The following CEP350 variants were observed in gnomAD, a reference collection of about 807,000 sequenced individuals.
CEP350 encodes the protein centrosomal protein 350.
CEP350 carries 126 observed loss-of-function variants against 331.8 expected under a neutral mutation model. The ratio of observed to expected loss-of-function variants is 0.38; its 90% CI spans 0.33 to 0.44. CEP350 has a LOEUF of 0.44. CEP350 is among the 20% of genes least tolerant of loss of function. The pLI is 1.00. For missense variants in CEP350, 3,406 were observed against 3,634.6 expected, an observed-to-expected ratio of 0.94 and a Z score of 1.62; for synonymous variants, 1,200 against 1,259.5, an observed-to-expected ratio of 0.95 and a Z score of 1.00.
At chr1:180,064,036 C>A (rs909307777) in intron 26 of CEP350, among the ~76,000 whole-genome samples, 4 of 152,188 alleles carry the variant, frequency 2.6e-5, no homozygotes, top group African/African-American at 9.7e-5. Flanking sequence ...ACTTAATCTG[C>A]AGACTACCTG....
intron 25 of CEP350, among the ~76,000 whole-genome samples, chr1:180,060,391 A>G (rs978243543): frequency 7.2e-5 from 11 of 152,248 alleles, no homozygotes; most frequent in African/African-American, 2.7e-4. Context: ...GCTCATGCCT[A>G]TAATCCCAGT....
intron 1 of CEP350, among the ~76,000 whole-genome samples, chr1:179,971,571 C>T (rs1651456510): frequency 6.6e-6 from 1 of 152,148 alleles, no homozygotes; most frequent in Non-Finnish European, 1.5e-5. Context: ...AGCAATCTTC[C>T]TATCTTGGCC....
At chr1:180,048,959 G>A (rs571754331) in intron 22 of CEP350, among the ~76,000 whole-genome samples, 4 of 152,196 alleles carry the variant, frequency 2.6e-5, no homozygotes, top group South Asian at 2.1e-4. Context: ...GTCCTAGTAC[G>A]TGGGAGGCTA....
chr1:180,023,481 A>G (rs1252949662), intron 13 of CEP350, among the ~76,000 whole-genome samples: 1 of 152,208 alleles, frequency 6.6e-6, no homozygotes, highest in Non-Finnish European at 1.5e-5. Context: ...CCATGGTTCC[A>G]AGTAATAAGT....
Position 180,036,980 on chromosome 1 carries a change from G to A in CEP350, c.4001G>A (p.Ser1334Asn). 1 of 1,595,688 alleles carries A rather than the reference G, an allele frequency of 6.3e-7. No homozygotes were observed. Among genetic ancestry groups the A allele is most frequent in the Non-Finnish European group, 8.5e-7 (1 of 1,170,982 alleles). Reference sequence around the variant, plus strand: ...CATCATCGTATGGCAGCAGAACTCAGTTATCTGAACGCCATTGAGGAGTCG... The same window carrying A: ...CATCATCGTATGGCAGCAGAACTCAATTATCTGAACGCCATTGAGGAGTCG... ...GLHHRMAAEL[S>N]YLNAIEESVR... is the part of the protein sequence containing the mutation. Residue 1334 changes from serine (S) to asparagine (N), a missense_variant, in exon 17 of 38, where the codon AGT (serine) becomes AAT (asparagine). Ser to Asn is a conservative substitution (Grantham distance 46). Transcript: ENST00000367607.
In CEP350 at chr1:179,987,238, A is replaced by G; in HGVS notation, c.74-2A>G. The G allele has an allele frequency of 6.6e-7, 1 of 1,513,190 alleles. No individual in the cohort carries two copies. Among genetic ancestry groups the G allele is most frequent in the Non-Finnish European group, 9.1e-7 (1 of 1,100,866 alleles). 93.7% of individuals were successfully genotyped at this position (1,513,190 alleles called of 1,614,324 possible). On this transcript the variant is annotated splice_acceptor_variant, in intron 2 of 37. Transcript: ENST00000367607. LOFTEE classifies it high-confidence loss of function. Reference sequence around the variant, plus strand: ...TAAAGTAAATATCATTTTTTTTCCCAGCAGATATAACCACATCGTGGGATG... The same window carrying G: ...TAAAGTAAATATCATTTTTTTTCCCGGCAGATATAACCACATCGTGGGATG...
intron 30 of CEP350, among the ~76,000 whole-genome samples, chr1:180,082,457 G>A (rs1024937457): frequency 5.9e-5 from 9 of 152,076 alleles, no homozygotes; most frequent in African/African-American, 1.9e-4. Context: ...TGGGACTACA[G>A]GCGCATGCTG....
Position 180,110,981 on chromosome 1 carries a change from G to A in CEP350, c.9190-16G>A, listed in dbSNP as rs765351116. 2 of 1,610,030 alleles carry A rather than the reference G, an allele frequency of 1.2e-6. No homozygotes were observed. Among genetic ancestry groups the A allele is most frequent in the Non-Finnish European group, 1.7e-6 (2 of 1,176,810 alleles). The stretch of plus-strand genomic sequence containing the variant: ...ATGACAGGAATTTTCTAACCTTATT[G>A]TCTTCTAAATCCTAGGTTCAGGAGC... On this transcript the variant is annotated splice_polypyrimidine_tract_variant and intron_variant, in intron 37 of 37. Coordinates refer to ENST00000367607, the MANE Select transcript of CEP350 (RefSeq NM_014810.5).
Position 179,997,012 on chromosome 1 carries a change from T to G in CEP350, c.855T>G (p.Leu285=). 1 of 1,613,954 alleles carries G rather than the reference T, an allele frequency of 6.2e-7. No individual in the cohort carries two copies. The highest frequency in any genetic ancestry group is 1.1e-5 in the South Asian group (1 of 91,074). ...RRQHDVKLEK[L]KERIRKQWEH... ...AACATGATGTCAAACTGGAAAAACT[T>G]AAGGAACGGATTAGAAAACAGTGGG... Residue 285 remains leucine (L), a synonymous_variant, in exon 6 of 38, where the codon CTT becomes CTG. Transcript: ENST00000367607.
intron 1 of CEP350, among the ~76,000 whole-genome samples, chr1:179,977,599 A>G (rs1571805183): frequency 6.6e-6 from 1 of 152,162 alleles, no homozygotes; most frequent in African/African-American, 2.4e-5. Context: ...ATTGAAGATC[A>G]TTTGAATTTA....
intron 30 of CEP350, among the ~76,000 whole-genome samples, chr1:180,083,614 T>A (rs949785675): frequency 3.3e-5 from 5 of 152,194 alleles, no homozygotes; most frequent in African/African-American, 1.2e-4. Flanking sequence ...TATGTATTAA[T>A]AACTAAGGCA....
At chr1:179,988,604 C>T (rs1305013637) in intron 3 of CEP350, among the ~76,000 whole-genome samples, 2 of 151,914 alleles carry the variant, frequency 1.3e-5, no homozygotes, top group Admixed American at 1.3e-4. Context: ...TGTGTTCTGG[C>T]CAATCTTGTC....
chr1:179,959,861 A>G (rs1650457692), intron 1 of CEP350, among the ~76,000 whole-genome samples: 1 of 152,170 alleles, frequency 6.6e-6, no homozygotes, highest in African/African-American at 2.4e-5. Flanking sequence ...CTTAAGTCTT[A>G]TTTCTTACTT....
At chr1:180,047,062 A>G (rs892375275) in intron 21 of CEP350, among the ~76,000 whole-genome samples, 2 of 152,214 alleles carry the variant, frequency 1.3e-5, no homozygotes, top group African/African-American at 4.8e-5. Flanking sequence ...GAACACAGGG[A>G]CAGAAGTGAC....
intron 9 of CEP350, among the ~76,000 whole-genome samples, chr1:180,013,449 A>T (rs986962638): frequency 6.6e-6 from 1 of 152,154 alleles, no homozygotes; most frequent in Non-Finnish European, 1.5e-5. Flanking sequence ...TCTCATTGGG[A>T]TGCCTTCCAC....
rs151249659 is a variant in CEP350 at position 180,065,145 on chromosome 1, A to C, written c.5440A>C (p.Asn1814His). The change falls in exon 27 of 38, where the codon AAT becomes CAT. Residue 1814 changes from asparagine (N) to histidine (H), a missense_variant. Coordinates refer to ENST00000367607, the MANE Select transcript of CEP350 (RefSeq NM_014810.5). ...DSHSDDDTKD[N>H]KATSPGPTDL... ...TCATAGTGATGATGATACAAAGGATAATAAGGCAACCAGTCCTGGTCCAAC... is the reference window on the plus strand; with the variant it reads ...TCATAGTGATGATGATACAAAGGATCATAAGGCAACCAGTCCTGGTCCAAC... 2.2e-4 allele frequency: 349 copies of C among 1,611,088 alleles called. No homozygotes were observed. Among genetic ancestry groups the C allele is most frequent in the Non-Finnish European group, 2.9e-4 (341 of 1,179,054 alleles).
intron 17 of CEP350, among the ~76,000 whole-genome samples, chr1:180,040,821 T>C (rs1366861540): frequency 3.9e-5 from 6 of 152,130 alleles, no homozygotes; most frequent in Admixed American, 2.0e-4. Flanking sequence ...TTTTTACACA[T>C]AGGACATTTT....
chr1:180,062,253 G>A lies in CEP350; in HGVS notation c.5296G>A (p.Ala1766Thr). 1 of 1,609,832 alleles carries A rather than the reference G, an allele frequency of 6.2e-7. No individual in the cohort carries two copies. The highest frequency in any genetic ancestry group is 1.1e-5 in the South Asian group (1 of 90,178). Residue 1766 changes from alanine (A) to threonine (T), a missense_variant, in exon 26 of 38, where the codon GCA becomes ACA. By Grantham distance (58) the Ala-to-Thr change is moderately conservative (BLOSUM62 0). Transcript: ENST00000367607. ...EIKRLQEANKAARKERQLILK... is the reference protein window; with the variant it reads ...EIKRLQEANKTARKERQLILK... ...AAAACGTCTTCAAGAAGCCAATAAG[G>A]CAGCTCGGAAGGAAAGACAGCTGAT...
At position 180,020,271 on chromosome 1, in the gene CEP350, G is replaced by A; in HGVS notation, c.2497G>A (p.Ala833Thr). Residue 833 changes from alanine (A) to threonine (T), a missense_variant, in exon 12 of 38, where the codon GCT (alanine) becomes ACT (threonine). Ala to Thr is a moderately conservative substitution (Grantham distance 58). Around this residue, in one of 5 missense-constraint regions of CEP350, gnomAD observed 1,857 missense variants for 1,909.2 expected, o/e 0.97. Coordinates refer to ENST00000367607, the MANE Select transcript of CEP350 (RefSeq NM_014810.5). ...TATTGAAGCCTTGAAAGCAACAGCTGCTTCTTTGTCCAGCAGAATTGAAAG... is the reference window on the plus strand; with the variant it reads ...TATTGAAGCCTTGAAAGCAACAGCTACTTCTTTGTCCAGCAGAATTGAAAG... ...DRIEALKATA[A>T]SLSSRIESEA... 1 of 1,614,010 alleles carries A rather than the reference G, an allele frequency of 6.2e-7. No individual in the cohort carries two copies. Among genetic ancestry groups the A allele is most frequent in the Non-Finnish European group, 8.5e-7 (1 of 1,179,894 alleles).
Sources: gnomAD v4.1 joint callset for allele counts (sites outside exome capture counted in the v4.1 genomes callset) on GRCh38, gnomAD v4.1.1 for gene constraint, gnomAD v4.1.1 regional missense constraint, MANE v1.5 for transcripts, NCBI Gene and HGNC (gene_info 2026-07-23, HGNC 2026-07-21) for gene names.